KAZN: variants seen among roughly 807,000 people sequenced by gnomAD.
KAZN encodes kazrin, periplakin interacting protein.
A neutral mutation model predicts 87.4 loss-of-function variants in KAZN; 40 were observed. The observed-to-expected ratio is 0.46, with a 90% CI of 0.36 to 0.60. The LOEUF (loss-of-function observed/expected upper bound fraction) is 0.60, where lower values mean the gene tolerates loss of function less well. KAZN is among the 20% of genes least tolerant of loss of function. The probability of loss-of-function intolerance (pLI) is 0.00; values close to 1 mark genes in which losing one functional copy is unlikely to be tolerated. For missense variants in KAZN, 898 were observed against 1,073.9 expected, an observed-to-expected ratio of 0.84 and a Z score of 2.29; for synonymous variants, 466 against 458.3, an observed-to-expected ratio of 1.02 and a Z score of -0.22.
rs557109109 is a variant in KAZN, at chr1:14,877,979, T to C, written c.227-82705T>C. Among the ~76,000 whole-genome samples the C allele has an allele frequency of 3.3e-5, 5 of 152,188 alleles. No individual in the cohort carries two copies. In the East Asian group the frequency reaches 9.7e-4, roughly 29 times the overall value. Reference sequence around the variant, plus strand: ...CATCCAGCAAATGATGACTCAATGATTGTGGATTGGATTTCTTGTACAAAG... The same window carrying C: ...CATCCAGCAAATGATGACTCAATGACTGTGGATTGGATTTCTTGTACAAAG... On this transcript the variant is annotated intron_variant, in intron 1 of 14. Transcript: ENST00000376030.
At chr1:14,352,097 A>G (rs970094133) in intron 2 of KAZN, among the ~76,000 whole-genome samples, 10 of 152,260 alleles carry the variant, frequency 6.6e-5, no homozygotes, top group African/African-American at 2.2e-4. Context: ...AAGCTGCAAC[A>G]TATTTTCAAG....
At chr1:14,091,785 T>C (rs961216625) in intron 1 of KAZN, among the ~76,000 whole-genome samples, 27 of 152,254 alleles carry the variant, frequency 1.8e-4, no homozygotes, top group African/African-American at 3.6e-4. Flanking sequence ...AATTCCAAAG[T>C]CTGTCCCAGA....
At chr1:13,974,511 A>T (rs1454603125) in intron 1 of KAZN, among the ~76,000 whole-genome samples, 5 of 152,134 alleles carry the variant, frequency 3.3e-5, no homozygotes, top group African/African-American at 7.2e-5. Flanking sequence ...TCTGGGTGGG[A>T]CCTAAATCCA....
chr1:14,872,404 AT>A (rs1652242037), intron 1 of KAZN, among the ~76,000 whole-genome samples: 1 of 152,216 alleles, frequency 6.6e-6, no homozygotes, highest in Admixed American at 6.5e-5. Context: ...ATTTCAATGA[AT>A]TTAAATTCAA....
chr1:14,467,007 T>C (rs1484413229), intron 2 of KAZN, among the ~76,000 whole-genome samples: 2 of 152,134 alleles, frequency 1.3e-5, no homozygotes, highest in East Asian at 3.8e-4. Context: ...GAAGAAACTA[T>C]TGATTCACAG....
intron 1 of KAZN, among the ~76,000 whole-genome samples, chr1:14,753,100 A>G (rs1557453807): frequency 6.6e-6 from 1 of 152,206 alleles, no homozygotes; most frequent in African/African-American, 2.4e-5. Flanking sequence ...GTTGAGGTCA[A>G]TTGCCGACTG....
intron 2 of KAZN, among the ~76,000 whole-genome samples, chr1:14,227,381 G>A (rs940477560): frequency 3.3e-5 from 5 of 152,136 alleles, no homozygotes; most frequent in Non-Finnish European, 5.9e-5. Context: ...TCGAGTGCCA[G>A]GACCTGGAAG....
intron 1 of KAZN, among the ~76,000 whole-genome samples, chr1:14,113,921 A>G (rs1365949662): frequency 6.6e-6 from 1 of 152,212 alleles, no homozygotes; most frequent in East Asian, 1.9e-4. Flanking sequence ...GCCGTCTGAA[A>G]TTAAGGGGTG....
In KAZN at chr1:14,394,739, G is replaced by T. The variant is rs538958070; in HGVS notation, c.250-204244G>T. On this transcript the variant is annotated intron_variant, in intron 2 of 16. Transcript: ENST00000636203. ...TGTTTCTCAGTCCTTACTATATGTT[G>T]GGCTGGTATTAGTGCTTTGCATATA... 3.5e-3 allele frequency among the ~76,000 whole-genome samples: 536 copies of T among 152,296 alleles called. 3 individuals carry two copies. Among genetic ancestry groups the T allele is most frequent in the African/African-American group, 0.013 (524 of 41,560 alleles).
chr1:14,040,804 TAAAA>T (rs1641807595), intron 1 of KAZN, among the ~76,000 whole-genome samples: 2 of 120,974 alleles, frequency 1.7e-5, no homozygotes, highest in African/African-American at 5.1e-5. Flanking sequence ...TAAATTAAAA[TAAAA>T]TAAAATAAAA....
chr1:14,108,059 C>G (rs540140001), intron 1 of KAZN, among the ~76,000 whole-genome samples: 14 of 152,202 alleles, frequency 9.2e-5, no homozygotes, highest in South Asian at 6.2e-4. Flanking sequence ...CCACATTGCC[C>G]TGTTACCCTG....
At chr1:14,886,493 C>T (rs1654081969) in intron 1 of KAZN, among the ~76,000 whole-genome samples, 1 of 151,224 alleles carries the variant, frequency 6.6e-6, no homozygotes, top group Non-Finnish European at 1.5e-5. Flanking sequence ...GAGACAGAGA[C>T]ATATAAACAC....
intron 1 of KAZN, among the ~76,000 whole-genome samples, chr1:14,087,241 T>C (rs1643879120): frequency 6.6e-6 from 1 of 152,180 alleles, no homozygotes; most frequent in African/African-American, 2.4e-5. Flanking sequence ...ATAAATGGCA[T>C]TTTCATATTT....
intron 1 of KAZN, among the ~76,000 whole-genome samples, chr1:14,869,445 G>T (rs1651904060): frequency 6.6e-6 from 1 of 152,196 alleles, no homozygotes; most frequent in South Asian, 2.1e-4. Context: ...CATTTTGTGA[G>T]TCATTAGGAT....
intron 2 of KAZN, among the ~76,000 whole-genome samples, chr1:14,455,311 C>T (rs192829402): frequency 1.8e-4 from 27 of 152,284 alleles, no homozygotes; most frequent in Middle Eastern, 3.4e-3. Flanking sequence ...CAAGTTTTCT[C>T]TCCTCAATTC....
At chr1:14,353,225 C>CTTT (rs34074015) in intron 2 of KAZN, among the ~76,000 whole-genome samples, 1 of 137,662 alleles carries the variant, frequency 7.3e-6, no homozygotes, top group African/African-American at 2.7e-5. Context: ...GATGACATCA[C>CTTT]TTTTTTTTTT....
chr1:14,772,737 T>G (rs1645053910), intron 1 of KAZN, among the ~76,000 whole-genome samples: 2 of 152,150 alleles, frequency 1.3e-5, no homozygotes, highest in African/African-American at 4.8e-5. Context: ...TAGAGTGGGC[T>G]GGAGACCCCT....
In KAZN at chr1:14,514,374, TAA is replaced by T. The variant is rs1491239193; in HGVS notation, c.250-84608_250-84607del. On this transcript the variant is annotated intron_variant, in intron 2 of 16. Coordinates refer to the KAZN transcript ENST00000636203. ...TATATTATATATATATTTATATATA[TAA>T]TATATATATATTATATATATTTATA... 7.5e-4 allele frequency among the ~76,000 whole-genome samples: 15 copies of T among 20,124 alleles called. 1 individual carries two copies. Among genetic ancestry groups the T allele is most frequent in the East Asian group, 2.0e-3 (3 of 1,468 alleles). The allele number at this position is 20,124 out of a possible 152,430, so 13.2% of individuals were successfully genotyped here. A position where few individuals can be genotyped will look rare whatever the true frequency, so the allele number is the denominator to read the frequency against.
chr1:14,807,095 T>G (rs1016011761), intron 1 of KAZN, among the ~76,000 whole-genome samples: 1 of 152,208 alleles, frequency 6.6e-6, no homozygotes, highest in African/African-American at 2.4e-5. Flanking sequence ...GTTTCAGCAG[T>G]GTCCCTATGC....
Sources: gnomAD v4.1 joint callset for allele counts (sites outside exome capture counted in the v4.1 genomes callset) on GRCh38, gnomAD v4.1.1 for gene constraint, MANE v1.5 for transcripts, NCBI Gene and HGNC (gene_info 2026-07-23, HGNC 2026-07-21) for gene names.